Variants in COL28A1 observed in about 807,000 individuals in gnomAD.
The protein encoded by COL28A1 is collagen type XXVIII alpha 1 chain.
In COL28A1, 161 loss-of-function variants were observed where a neutral mutation model predicts 150.2. The ratio of observed to expected loss-of-function variants is 1.07; its 90% CI spans 0.94 to 1.22. The LOEUF is 1.22. COL28A1 is among the 50% of genes most tolerant of loss of function. COL28A1 has a pLI of 0.00. For synonymous variants in COL28A1, 552 were observed against 469.7 expected (o/e 1.18, Z -2.26); for missense variants, 1,617 against 1,388.3 (o/e 1.16, Z -2.62).
chr7:7,473,285 A>G (rs187783417), intron 15 of COL28A1, among the ~76,000 whole-genome samples: 33 of 152,346 alleles, frequency 2.2e-4, no homozygotes, highest in Admixed American at 3.9e-4. Context: ...TTCACAATCT[A>G]TACACCTGAC....
At chr7:7,433,600 C>T (rs1312595099) in intron 23 of COL28A1, among the ~76,000 whole-genome samples, 2 of 149,858 alleles carry the variant, frequency 1.3e-5, no homozygotes, top group Admixed American at 6.7e-5. Context: ...CACTACTGTG[C>T]TCCAGCCTGG....
intron 13 of COL28A1, among the ~76,000 whole-genome samples, chr7:7,478,532 GGCCCTGC>G (rs1418641842): frequency 1.3e-5 from 2 of 152,260 alleles, no homozygotes; most frequent in Non-Finnish European, 2.9e-5. Flanking sequence ...GCCAGTCCCA[GGCCCTGC>G]GCCCACACTC....
intron 12 of COL28A1, 56 bp downstream of exon 12, chr7:7,490,522 C>G (rs1324157225): frequency 4.8e-6 from 4 of 825,336 alleles, no homozygotes; most frequent in South Asian, 4.6e-5. Context: ...ATGGCTCCCC[C>G]AGGCCCTACA....
At chr7:7,424,787 T>C (rs971742530) in intron 25 of COL28A1, among the ~76,000 whole-genome samples, 4 of 152,060 alleles carry the variant, frequency 2.6e-5, no homozygotes, top group Admixed American at 6.5e-5. Context: ...GGATTCTAGA[T>C]GGGAGATACT....
At chr7:7,432,585 T>C (rs756831467) in intron 24 of COL28A1, 44 bp from the exon 25 acceptor site, 9 of 1,610,794 alleles carry the variant, frequency 5.6e-6, no homozygotes, top group South Asian at 5.5e-5. Context: ...CCTTGTAGTA[T>C]GCAACACTCA....
rs17459718 is a variant in COL28A1 at position 7,454,027 on chromosome 7, A to G, written c.1372-519T>C. Among the ~76,000 whole-genome samples, 706 of 152,316 alleles carry G rather than the reference A, an allele frequency of 4.6e-3. 5 individuals are homozygous for G. The highest frequency in any genetic ancestry group is 0.022 in the East Asian group (114 of 5,180). ...TAGATACCAAACTGAAGAAGGTTCAAACACTTGACTCCCTCCTTCACAATA... is the reference window on the plus strand; with the variant it reads ...TAGATACCAAACTGAAGAAGGTTCAGACACTTGACTCCCTCCTTCACAATA... On this transcript the variant is annotated intron_variant, in intron 16 of 34. Transcript: ENST00000399429.
chr7:7,348,191 G>C, the COL28A1 span, among the ~76,000 whole-genome samples: 2 of 152,144 alleles, frequency 1.3e-5, no homozygotes, highest in African/African-American at 2.4e-5. Context: ...TAACTAAGAC[G>C]AGGACAATGA....
chr7:7,353,351 TCAA>T (rs767370356), downstream of COL28A1, among the ~76,000 whole-genome samples: 14 of 152,196 alleles, frequency 9.2e-5, no homozygotes, highest in Non-Finnish European at 1.6e-4. Flanking sequence ...CTTCAGACCT[TCAA>T]CTTGTCTTGT....
At chr7:7,528,455 G>A (rs982786512) in intron 3 of COL28A1, among the ~76,000 whole-genome samples, 37 of 152,074 alleles carry the variant, frequency 2.4e-4, no homozygotes, top group African/African-American at 8.9e-4. Flanking sequence ...ATTCCTACTA[G>A]AGGCATCAAG....
At chr7:7,398,767 C>T (rs1209702229) in intron 27 of COL28A1, among the ~76,000 whole-genome samples, 4 of 152,180 alleles carry the variant, frequency 2.6e-5, no homozygotes, top group Non-Finnish European at 5.9e-5. Context: ...GCCTTTATGA[C>T]AGTTGACTCT....
intron 25 of COL28A1, among the ~76,000 whole-genome samples, chr7:7,430,860 A>G (rs1583352289): frequency 1.3e-5 from 2 of 152,212 alleles, no homozygotes; most frequent in African/African-American, 4.8e-5. Flanking sequence ...TTATTCAAGG[A>G]TCTGATGTAG....
intron 27 of COL28A1, among the ~76,000 whole-genome samples, chr7:7,404,119 C>T (rs754624448): frequency 6.6e-5 from 10 of 151,926 alleles, no homozygotes; most frequent in East Asian, 1.9e-4. Flanking sequence ...AGTAAACTTA[C>T]GCTCAAATGA....
chr7:7,396,002 C>G (rs1782814800), intron 27 of COL28A1, among the ~76,000 whole-genome samples: 1 of 152,196 alleles, frequency 6.6e-6, no homozygotes, highest in South Asian at 2.1e-4. Flanking sequence ...GAATAGTCAA[C>G]AAGTATTTGG....
At chr7:7,515,193 A>G (rs1483965934) in intron 8 of COL28A1, among the ~76,000 whole-genome samples, 2 of 152,230 alleles carry the variant, frequency 1.3e-5, no homozygotes, top group Non-Finnish European at 2.9e-5. Context: ...TCAATGAACC[A>G]GTGAGCACTC....
chr7:7,481,709 T>C (rs2128360443), intron 13 of COL28A1, among the ~76,000 whole-genome samples: 1 of 152,246 alleles, frequency 6.6e-6, no homozygotes, highest in East Asian at 1.9e-4. Context: ...GTTCATCTTA[T>C]TACTTTCCGT....
At chr7:7,443,201 G>C (rs767162617) in intron 20 of COL28A1, among the ~76,000 whole-genome samples, 7 of 152,156 alleles carry the variant, frequency 4.6e-5, no homozygotes, top group Non-Finnish European at 8.8e-5. Flanking sequence ...GCCAAGTTGT[G>C]AAGTGAAATG....
chr7:7,472,262 T>G (rs948091803), intron 15 of COL28A1, among the ~76,000 whole-genome samples: 2 of 152,120 alleles, frequency 1.3e-5, no homozygotes, highest in African/African-American at 4.8e-5. Flanking sequence ...ATTGTTTACC[T>G]AGAAAACCCT....
the COL28A1 span, among the ~76,000 whole-genome samples, chr7:7,541,738 G>A: frequency 3.3e-5 from 5 of 152,200 alleles, no homozygotes; most frequent in Non-Finnish European, 5.9e-5. Context: ...ATGAGGAGAC[G>A]AACGAAAGAG....
chr7:7,454,728 C>G (rs184998020), intron 16 of COL28A1, among the ~76,000 whole-genome samples: 2 of 152,232 alleles, frequency 1.3e-5, no homozygotes, highest in Admixed American at 1.3e-4. Flanking sequence ...ACTGCAAGAC[C>G]CAAGATGTGA....
Sources: allele counts gnomAD v4.1 joint callset (sites outside exome capture counted in the v4.1 genomes callset), GRCh38; gene constraint gnomAD v4.1.1; transcripts MANE v1.5; gene names NCBI Gene and HGNC (gene_info 2026-07-23, HGNC 2026-07-21).